Variants in ASTN2 observed in about 807,000 individuals in gnomAD.
The protein encoded by ASTN2 is astrotactin-2.
In ASTN2, 54 loss-of-function variants were observed where a neutral mutation model predicts 139.8. The ratio of observed to expected loss-of-function variants is 0.39; its 90% CI spans 0.31 to 0.48. The LOEUF is 0.48. Ranked by LOEUF, ASTN2 falls within the 20% of genes least tolerant of loss-of-function variation. The pLI is 0.95. For missense variants in ASTN2, 1,565 were observed against 1,725.1 expected (o/e 0.91, Z 1.64); for synonymous variants, 756 against 719.5 (o/e 1.05, Z -0.81).
chr9:116,526,715 A>T (rs1019161003), intron 19 of ASTN2, among the ~76,000 whole-genome samples: 6 of 151,980 alleles, frequency 3.9e-5, no homozygotes, highest in Non-Finnish European at 8.8e-5. Flanking sequence ...ACAATTTTTG[A>T]TTCATCATGA....
rs371374987 is a variant in ASTN2 at position 117,225,574 on chromosome 9, T to TATATATATATAC, written c.631-10833_631-10832insGTATATATATAT. Among the ~76,000 whole-genome samples, 378 of 77,832 alleles carry TATATATATATAC rather than the reference T, an allele frequency of 4.9e-3. 19 individuals carry two copies. Among genetic ancestry groups the TATATATATATAC allele is most frequent in the East Asian group, 0.019 (16 of 840 alleles). The allele number at this position is 77,832 out of a possible 152,430, so 51.1% of individuals were successfully genotyped here. On this transcript the variant is annotated intron_variant, in intron 2 of 22. Coordinates refer to ENST00000313400, the MANE Select transcript of ASTN2 (RefSeq NM_001365068.1). ...ATATATATATATATATATATATATATACAGATGAACCCAAGTGGCCAGAGA... is the reference window on the plus strand; with the variant it reads ...ATATATATATATATATATATATATATATATATATATACACAGATGAACCCAAGTGGCCAGAGA...
chr9:116,575,821 A>C (rs1853701275), intron 19 of ASTN2, among the ~76,000 whole-genome samples: 1 of 152,186 alleles, frequency 6.6e-6, no homozygotes, highest in African/African-American at 2.4e-5. Flanking sequence ...GAACAGATTC[A>C]TTGCATAGTG....
At chr9:117,179,759 AAGACCCCACTGCAGATCTGTCATTC>A (rs1443304256) in intron 3 of ASTN2, among the ~76,000 whole-genome samples, 8 of 152,258 alleles carry the variant, frequency 5.3e-5, no homozygotes, top group Middle Eastern at 3.4e-3. Flanking sequence ...CTGATTCTGA[AAGACCCCACTGCAGATCTGTCATTC>A]AGACCCCACT....
intron 6 of ASTN2, among the ~76,000 whole-genome samples, chr9:117,031,563 A>G (rs1235664442): frequency 6.6e-6 from 1 of 152,200 alleles, no homozygotes; most frequent in Non-Finnish European, 1.5e-5. Context: ...GCAAGAGAGA[A>G]CAACATTAAC....
At chr9:116,972,410 T>C (rs550816091) in intron 10 of ASTN2, among the ~76,000 whole-genome samples, 2 of 152,334 alleles carry the variant, frequency 1.3e-5, no homozygotes, top group South Asian at 4.1e-4. Flanking sequence ...TATTTTTTTT[T>C]CTAGCTTTCT....
chr9:117,276,375 C>A, intron 2 of ASTN2, among the ~76,000 whole-genome samples: 1 of 152,152 alleles, frequency 6.6e-6, no homozygotes, highest in East Asian at 1.9e-4. Context: ...TGGCCCAGAC[C>A]TTCCCTGCAA....
At chr9:117,345,181 T>A (rs1258729508) in intron 1 of ASTN2, among the ~76,000 whole-genome samples, 1 of 152,148 alleles carries the variant, frequency 6.6e-6, no homozygotes, top group African/African-American at 2.4e-5. Flanking sequence ...CAGCAAGGCT[T>A]GCTCTTGCTA....
At chr9:117,403,661 G>C (rs549450223) in intron 1 of ASTN2, among the ~76,000 whole-genome samples, 1 of 151,720 alleles carries the variant, frequency 6.6e-6, no homozygotes, top group South Asian at 2.1e-4. Flanking sequence ...TTCCCTTTTC[G>C]GCTGCTTGCA....
rs113677524 is a variant in ASTN2, at chr9:116,811,145, T to G, written c.2208-5325A>C. 6.9e-3 allele frequency among the ~76,000 whole-genome samples: 1,046 copies of G among 152,272 alleles called. 11 individuals are homozygous for G. Among genetic ancestry groups the G allele is most frequent in the African/African-American group, 0.024 (989 of 41,578 alleles). Reference sequence around the variant, plus strand: ...GTGAGCTCCCTTTTTTCTTTTCTATTTAATTTATTTCAGCTTTTATTTAAT... The same window carrying G: ...GTGAGCTCCCTTTTTTCTTTTCTATGTAATTTATTTCAGCTTTTATTTAAT... On this transcript the variant is annotated intron_variant, in intron 12 of 22. Coordinates refer to ENST00000313400, the MANE Select transcript of ASTN2 (RefSeq NM_001365068.1).
At chr9:116,685,325 C>T (rs2132033173) in intron 16 of ASTN2, among the ~76,000 whole-genome samples, 1 of 152,294 alleles carries the variant, frequency 6.6e-6, no homozygotes, top group South Asian at 2.1e-4. Flanking sequence ...ACCAAGTTAT[C>T]CTTAAAATCT....
At chr9:116,463,686 C>T (rs979290751) in intron 20 of ASTN2, among the ~76,000 whole-genome samples, 5 of 152,280 alleles carry the variant, frequency 3.3e-5, no homozygotes, top group South Asian at 2.1e-4. Context: ...ACAGCTCCCT[C>T]TCCTGTGCTT....
intron 19 of ASTN2, among the ~76,000 whole-genome samples, chr9:116,491,026 G>A (rs1175923869): frequency 1.3e-5 from 2 of 152,202 alleles, no homozygotes; most frequent in East Asian, 3.8e-4. Context: ...AACATGTCAG[G>A]TCAGTAAGAC....
At chr9:116,493,093 A>C (rs1849566472) in intron 19 of ASTN2, among the ~76,000 whole-genome samples, 1 of 152,196 alleles carries the variant, frequency 6.6e-6, no homozygotes, top group African/African-American at 2.4e-5. Flanking sequence ...ATTCTCTGAT[A>C]GAAATACAGA....
intron 2 of ASTN2, among the ~76,000 whole-genome samples, chr9:117,220,922 C>T (rs1832493765): frequency 6.6e-6 from 1 of 152,192 alleles, no homozygotes; most frequent in South Asian, 2.1e-4. Flanking sequence ...GTGAGGCTTT[C>T]ATGGCTCCAG....
chr9:116,632,228 A>AGAAAGAAAGAAG (rs1856824329), intron 17 of ASTN2, among the ~76,000 whole-genome samples: 20 of 137,174 alleles, frequency 1.5e-4, no homozygotes, highest in African/African-American at 1.9e-4. Context: ...AAAGAAAGAA[A>AGAAAGAAAGAAG]GAAAGAAAGA....
At chr9:117,321,579 T>A (rs1197786919) in intron 1 of ASTN2, among the ~76,000 whole-genome samples, 1 of 152,202 alleles carries the variant, frequency 6.6e-6, no homozygotes, top group East Asian at 1.9e-4. Context: ...TTCACTGTCA[T>A]GCATCTCCAA....
intron 4 of ASTN2, among the ~76,000 whole-genome samples, chr9:117,128,850 A>C (rs1296514748): frequency 6.6e-6 from 1 of 152,220 alleles, no homozygotes; most frequent in Non-Finnish European, 1.5e-5. Flanking sequence ...TCTTACATGG[A>C]TGGCAGCAGG....
chr9:116,492,144 T>C (rs886841040), intron 19 of ASTN2, among the ~76,000 whole-genome samples: 7 of 151,822 alleles, frequency 4.6e-5, no homozygotes, highest in African/African-American at 1.7e-4. Context: ...TGCAGTGGCA[T>C]GATCTCAGCT....
At chr9:116,772,285 C>T (rs1421422197) in intron 13 of ASTN2, among the ~76,000 whole-genome samples, 5 of 152,094 alleles carry the variant, frequency 3.3e-5, no homozygotes, top group African/African-American at 4.8e-5. Flanking sequence ...GTTTCCCATG[C>T]TGTTCTTGTG....
Sources: allele counts gnomAD v4.1 joint callset (sites outside exome capture counted in the v4.1 genomes callset), GRCh38; gene constraint gnomAD v4.1.1; transcripts MANE v1.5; gene names NCBI Gene and HGNC (gene_info 2026-07-23, HGNC 2026-07-21).